Variants in FOXP1 observed in about 807,000 individuals in gnomAD.
FOXP1 encodes forkhead box protein P1.
A neutral mutation model predicts 98.2 loss-of-function variants in FOXP1; 15 were observed. That is an observed-to-expected ratio of 0.15 (90% CI 0.10 to 0.24). The LOEUF (loss-of-function observed/expected upper bound fraction) is 0.24, where lower values mean the gene tolerates loss of function less well. Among genes scored for constraint, FOXP1 ranks in the 10% least tolerant of loss-of-function variants. The probability of loss-of-function intolerance (pLI) is 1.00; values close to 1 mark genes in which losing one functional copy is unlikely to be tolerated. For synonymous variants in FOXP1, 371 were observed against 314.5 expected (o/e 1.18, Z -1.90); for missense variants, 633 against 848.5 (o/e 0.75, Z 3.15).
At chr3:71,496,985 T>TGTGTGTGTGTGTGTG (rs1560567356) in intron 2 of FOXP1, among the ~76,000 whole-genome samples, 2 of 151,028 alleles carry the variant, frequency 1.3e-5, no homozygotes, top group South Asian at 2.1e-4. Context: ...TGTGTGTGTG[T>TGTGTGTGTGTGTGTG]TGTTAAGAAT....
At chr3:71,455,806 G>C (rs182214715) in intron 3 of FOXP1, among the ~76,000 whole-genome samples, 13 of 152,194 alleles carry the variant, frequency 8.5e-5, no homozygotes, top group Non-Finnish European at 7.3e-5. Context: ...TGATAGTTAC[G>C]GGTGGGTATG....
rs114194237 is a variant in FOXP1 at position 71,256,734 on chromosome 3, G to C, written c.-12+43086C>G. On this transcript the variant is annotated intron_variant, in intron 5 of 20. Coordinates refer to ENST00000649528, the MANE Select transcript of FOXP1 (RefSeq NM_001349338.3). ...TACTTTCCCCCACTGTTGCATGTAGGCTGGGACTCTTAGTCAAGATCCCCT... is the reference window on the plus strand; with the variant it reads ...TACTTTCCCCCACTGTTGCATGTAGCCTGGGACTCTTAGTCAAGATCCCCT... Among the ~76,000 whole-genome samples the C allele has an allele frequency of 2.7e-3, 406 of 152,238 alleles. 1 individual carries two copies. The highest frequency in any genetic ancestry group is 0.01 in the Middle Eastern group (3 of 294).
At chr3:71,276,975 T>A (rs575619332) in intron 5 of FOXP1, among the ~76,000 whole-genome samples, 72 of 145,520 alleles carry the variant, frequency 4.9e-4, no homozygotes, top group African/African-American at 1.7e-3. Flanking sequence ...TTTTTTTTTT[T>A]AGAGACGGAG....
intron 3 of FOXP1, among the ~76,000 whole-genome samples, chr3:71,484,027 A>G (rs1453686429): frequency 6.6e-6 from 1 of 152,180 alleles, no homozygotes; most frequent in Non-Finnish European, 1.5e-5. Flanking sequence ...TTCTCATGCA[A>G]TTCTGCAGAA....
chr3:71,268,626 GA>G (rs2069995476), intron 5 of FOXP1, among the ~76,000 whole-genome samples: 1 of 152,190 alleles, frequency 6.6e-6, no homozygotes, highest in Non-Finnish European at 1.5e-5. Flanking sequence ...AAGACAGGTA[GA>G]TAAAGGGGAA....
chr3:71,118,735 T>C (rs2058553854), intron 6 of FOXP1, among the ~76,000 whole-genome samples: 1 of 152,214 alleles, frequency 6.6e-6, no homozygotes, highest in South Asian at 2.1e-4. Flanking sequence ...TTTGCTTACT[T>C]AAATGGTTGA....
At chr3:71,286,008 A>C (rs989501544) in intron 5 of FOXP1, among the ~76,000 whole-genome samples, 1 of 152,242 alleles carries the variant, frequency 6.6e-6, no homozygotes, top group Admixed American at 6.5e-5. Flanking sequence ...CTGTGCCAAC[A>C]TAAGAGTGTA....
intron 3 of FOXP1, among the ~76,000 whole-genome samples, chr3:71,411,484 G>A (rs1207040726): frequency 2.6e-5 from 4 of 152,074 alleles, no homozygotes; most frequent in African/African-American, 9.7e-5. Context: ...CACCATGCCC[G>A]GCTAATTTTT....
chr3:71,105,752 A>T (rs2057368981), intron 7 of FOXP1, among the ~76,000 whole-genome samples: 2 of 152,094 alleles, frequency 1.3e-5, no homozygotes, highest in South Asian at 4.1e-4. Context: ...TGTCCCCACC[A>T]CACACACAGA....
intron 6 of FOXP1, among the ~76,000 whole-genome samples, chr3:71,146,670 C>G (rs1275362602): frequency 6.6e-6 from 1 of 151,786 alleles, no homozygotes; most frequent in Non-Finnish European, 1.5e-5. Context: ...TCATTGTCTC[C>G]GAAATTCAGA....
At chr3:71,190,493 C>G (rs1343604247) in intron 6 of FOXP1, among the ~76,000 whole-genome samples, 1 of 151,404 alleles carries the variant, frequency 6.6e-6, no homozygotes. Flanking sequence ...AACAGCTGGC[C>G]TGCCGTCCCA....
At chr3:71,209,250 T>G (rs2064280953) in intron 5 of FOXP1, among the ~76,000 whole-genome samples, 2 of 152,250 alleles carry the variant, frequency 1.3e-5, no homozygotes, top group Admixed American at 1.3e-4. Context: ...AAGGTTGGAT[T>G]TGAAAACAGC....
At chr3:71,470,518 T>A (rs1193101919) in intron 3 of FOXP1, among the ~76,000 whole-genome samples, 3 of 152,172 alleles carry the variant, frequency 2.0e-5, no homozygotes, top group Non-Finnish European at 4.4e-5. Flanking sequence ...GGAGGGCAGA[T>A]TGCCTGAGCT....
intron 2 of FOXP1, among the ~76,000 whole-genome samples, chr3:71,559,152 C>T (rs2046363660): frequency 6.6e-6 from 1 of 152,202 alleles, no homozygotes; most frequent in South Asian, 2.1e-4. Flanking sequence ...GAAATTGCTG[C>T]AGCCATTTTG....
chr3:70,979,295 A>T (rs1559625990), intron 14 of FOXP1, among the ~76,000 whole-genome samples: 3 of 143,148 alleles, frequency 2.1e-5, no homozygotes, highest in Admixed American at 2.1e-4. Flanking sequence ...AAAAAAAAAA[A>T]AAAAAAAAAA....
chr3:71,538,017 T>C (rs976258159), intron 2 of FOXP1, among the ~76,000 whole-genome samples: 1 of 152,200 alleles, frequency 6.6e-6, no homozygotes, highest in African/African-American at 2.4e-5. Context: ...CTAAGAGAGC[T>C]GAGAGACTGT....
chr3:71,319,254 C>T (rs1053990660), intron 4 of FOXP1, among the ~76,000 whole-genome samples: 2 of 152,136 alleles, frequency 1.3e-5, no homozygotes, highest in Admixed American at 1.3e-4. Context: ...CAAAAGCCCC[C>T]ATACCACCAC....
At chr3:71,050,859 A>T (rs1183338251) in intron 9 of FOXP1, among the ~76,000 whole-genome samples, 1 of 152,228 alleles carries the variant, frequency 6.6e-6, no homozygotes, top group Non-Finnish European at 1.5e-5. Context: ...CAGTTCATTA[A>T]TTAGAGAGTT....
intron 4 of FOXP1, among the ~76,000 whole-genome samples, chr3:71,311,731 T>C (rs2074697194): frequency 6.6e-6 from 1 of 152,226 alleles, no homozygotes. Context: ...TATTAGTCCT[T>C]AAACTGAGAA....
Sources: allele counts gnomAD v4.1 joint callset (sites outside exome capture counted in the v4.1 genomes callset), GRCh38; gene constraint gnomAD v4.1.1; transcripts MANE v1.5; gene names NCBI Gene and HGNC (gene_info 2026-07-23, HGNC 2026-07-21).